The following TBC1D8 variants were observed in gnomAD, a reference collection of about 807,000 sequenced individuals.
The protein encoded by TBC1D8 is BUB2-like protein 1.
A neutral mutation model predicts 118.8 loss-of-function variants in TBC1D8; 65 were observed. That is an observed-to-expected ratio of 0.55 (90% CI 0.45 to 0.67). TBC1D8 has a LOEUF of 0.67. Ranked by LOEUF, TBC1D8 falls within the 30% of genes least tolerant of loss-of-function variation. The probability of loss-of-function intolerance (pLI) is 0.00; values close to 1 mark genes in which losing one functional copy is unlikely to be tolerated. For synonymous variants in TBC1D8, 566 were observed against 595.8 expected, an observed-to-expected ratio of 0.95 and a Z score of 0.73; for missense variants, 1,376 against 1,471.2, an observed-to-expected ratio of 0.94 and a Z score of 1.06.
chr2:101,119,983 C>A (rs1678023995), intron 1 of TBC1D8, among the ~76,000 whole-genome samples: 1 of 152,176 alleles, frequency 6.6e-6, no homozygotes. Flanking sequence ...CTCCACAGAA[C>A]AGGCAAAATA....
intron 15 of TBC1D8, among the ~76,000 whole-genome samples, chr2:101,024,209 C>G (rs1018676140): frequency 6.6e-6 from 1 of 152,086 alleles, no homozygotes; most frequent in African/African-American, 2.4e-5. Context: ...ACAGGTGATT[C>G]AAAAGAGTAG....
chr2:101,109,609 T>TA (rs879325302), intron 1 of TBC1D8, among the ~76,000 whole-genome samples: 8 of 149,194 alleles, frequency 5.4e-5, no homozygotes, highest in East Asian at 2.0e-4. Flanking sequence ...AGCAGGGTCA[T>TA]AAAAAAAAAA....
chr2:101,068,797 G>A (rs559420512), intron 2 of TBC1D8: 58 of 196,774 alleles, frequency 2.9e-4, no homozygotes, highest in African/African-American at 1.3e-3. Context: ...TCAGGAGTTC[G>A]AGACCAGCCT....
At chr2:101,141,803 G>GCACA (rs112678254) in intron 1 of TBC1D8, among the ~76,000 whole-genome samples, 78 of 141,284 alleles carry the variant, frequency 5.5e-4, no homozygotes, top group African/African-American at 1.7e-3. Context: ...ATGAAGGCGC[G>GCACA]CACACACACA....
chr2:101,035,642 G>A (rs187593519), intron 9 of TBC1D8, among the ~76,000 whole-genome samples: 1 of 152,356 alleles, frequency 6.6e-6, no homozygotes, highest in East Asian at 1.9e-4. Context: ...CCAGCCAGTT[G>A]ACAATGGATG....
chr2:101,068,025 C>T (rs1683109309), intron 2 of TBC1D8, among the ~76,000 whole-genome samples: 1 of 152,174 alleles, frequency 6.6e-6, no homozygotes, highest in South Asian at 2.1e-4. Flanking sequence ...AGCAACTCCT[C>T]ATTCGTTCAA....
At chr2:101,022,653 T>C in intron 15 of TBC1D8, 132 bp from the exon 16 acceptor site, 1 of 1,318,122 alleles carries the variant, frequency 7.6e-7, no homozygotes, top group Non-Finnish European at 1.0e-6. Flanking sequence ...GTTCCCTTGT[T>C]ACCCTGACAT....
chr2:101,094,348 T>C (rs963522339), intron 1 of TBC1D8, among the ~76,000 whole-genome samples: 1 of 152,120 alleles, frequency 6.6e-6, no homozygotes, highest in African/African-American at 2.4e-5. Context: ...GGGACAGGGT[T>C]AAAGCTGCAG....
intron 1 of TBC1D8, among the ~76,000 whole-genome samples, chr2:101,108,243 T>C (rs1178805382): frequency 2.6e-5 from 4 of 151,992 alleles, no homozygotes; most frequent in Non-Finnish European, 4.4e-5. Flanking sequence ...TTCTATAAAA[T>C]ACAGGACCAG....
Position 101,036,097 on chromosome 2 carries a change from A to G in TBC1D8, c.1524T>C (p.Phe508=). 6.2e-7 allele frequency: 1 copy of G among 1,614,018 alleles called. No individual in the cohort carries two copies. Among genetic ancestry groups the G allele is most frequent in the Non-Finnish European group, 8.5e-7 (1 of 1,179,900 alleles). Residue 508 remains phenylalanine (F), a synonymous_variant, in exon 9 of 20, where the codon TTT becomes TTC. Coordinates refer to ENST00000409318, the MANE Select transcript of TBC1D8 (RefSeq NM_001330348.2). ...CGAGCTTCCGAATCTTCTCTGTGCG[A>G]AACATACACACGGTTCTGCCGTATT... The part of the protein sequence containing the change: ...FVEYGRTVCM[F]RTEKIRKLVA...
intron 2 of TBC1D8, among the ~76,000 whole-genome samples, 177 bp downstream of exon 2, chr2:101,090,023 AGGGCAGGGG>A (rs1675916897): frequency 9.5e-6 from 1 of 104,832 alleles, no homozygotes; most frequent in South Asian, 3.4e-4. Flanking sequence ...AAGGAAGAGG[AGGGCAGGGG>A]AGAGGAGGGA....
intron 17 of TBC1D8, among the ~76,000 whole-genome samples, chr2:101,012,624 A>AC (rs1679307137): frequency 7.5e-6 from 1 of 134,114 alleles, no homozygotes; most frequent in Non-Finnish European, 1.6e-5. Flanking sequence ...CTCTGAATAT[A>AC]CAAAAAAAAA....
intron 1 of TBC1D8, among the ~76,000 whole-genome samples, chr2:101,132,854 C>T (rs1253852236): frequency 6.6e-6 from 1 of 151,882 alleles, no homozygotes; most frequent in Non-Finnish European, 1.5e-5. Flanking sequence ...CCTGCCTCAG[C>T]CTCCCAAAGT....
chr2:101,043,550 G>C (rs927119333), intron 5 of TBC1D8, among the ~76,000 whole-genome samples: 1 of 152,190 alleles, frequency 6.6e-6, no homozygotes, highest in Non-Finnish European at 1.5e-5. Flanking sequence ...GTGAATACAT[G>C]GTGAGTATTC....
At chr2:101,104,334 C>T (rs1033929885) in intron 1 of TBC1D8, among the ~76,000 whole-genome samples, 7 of 152,320 alleles carry the variant, frequency 4.6e-5, no homozygotes, top group East Asian at 1.9e-4. Context: ...AAATCCCACA[C>T]ACTATTTTGT....
Position 101,007,415 on chromosome 2 carries a change from A to C in TBC1D8, c.*406T>G. On this transcript the variant is annotated 3_prime_UTR_variant, in exon 20 of 20. Coordinates refer to ENST00000409318, the MANE Select transcript of TBC1D8 (RefSeq NM_001330348.2). ...AATTGCACAGATAGTGGACTCCCTT[A>C]GATCTTGAAAGTGAACTTGATTCCT... The C allele has an allele frequency of 5.2e-6, 1 of 190,654 alleles. No individual in the cohort carries two copies. The highest frequency in any genetic ancestry group is 1.4e-4 in the East Asian group (1 of 7,282). 11.8% of individuals were successfully genotyped at this position (190,654 alleles called of 1,614,324 possible).
At chr2:101,040,047 G>C (rs879661803) in intron 6 of TBC1D8, 131 bp downstream of exon 6, 3 of 1,004,826 alleles carry the variant, frequency 3.0e-6, no homozygotes, top group Non-Finnish European at 4.4e-6. Flanking sequence ...CCCAGCCTTG[G>C]AGTCATCCAT....
chr2:101,028,565 G>C (rs1032359532), intron 12 of TBC1D8, 133 bp from the exon 13 acceptor site: 1 of 1,314,988 alleles, frequency 7.6e-7, no homozygotes, highest in East Asian at 2.4e-5. Context: ...GGCTGCAGCT[G>C]CTCGGCTTAT....
At position 101,029,567 on chromosome 2, in the gene TBC1D8, G is replaced by C. The variant is rs1479762087; in HGVS notation, c.2146C>G (p.Leu716Val). ...TCAGCATTGGCCTCAAGCACAGCCA[G>C]TCCCAGCTGGAAGATGGCTTTGATG... ...DGIKAIFQLG[L>V]AVLEANAEDL... Residue 716 changes from leucine to valine, a missense_variant, in exon 12 of 20, where the codon CTG becomes GTG. By Grantham distance (32) the Leu-to-Val change is conservative. Transcript: ENST00000409318. The C allele has an allele frequency of 1.9e-6, 3 of 1,614,006 alleles. No individual in the cohort carries two copies. Among genetic ancestry groups the C allele is most frequent in the Non-Finnish European group, 8.5e-7 (1 of 1,179,896 alleles).
Sources: gnomAD v4.1 joint callset for allele counts (sites outside exome capture counted in the v4.1 genomes callset) on GRCh38, gnomAD v4.1.1 for gene constraint, MANE v1.5 for transcripts, NCBI Gene and HGNC (gene_info 2026-07-23, HGNC 2026-07-21) for gene names.